The following CCDC3 variants were observed in gnomAD, a reference collection of about 807,000 sequenced individuals.
The protein encoded by CCDC3 is coiled-coil domain containing 3, also known as coiled-coil domain-containing protein 3.
Under a neutral mutation model 21.4 loss-of-function variants are expected in CCDC3, and 24 were observed. The observed-to-expected ratio is 1.12, with a 90% CI of 0.81 to 1.58. CCDC3 has a LOEUF of 1.58. Ranked by LOEUF, CCDC3 falls within the 40% of genes most tolerant of loss-of-function variation. The pLI, the probability that CCDC3 is intolerant of heterozygous loss-of-function variation, is 0.00. For missense variants in CCDC3, 425 were observed against 360.9 expected (o/e 1.18, Z -1.44); for synonymous variants, 186 against 166.0 (o/e 1.12, Z -0.93).
rs1460905602 is a variant in CCDC3, at chr10:12,998,645, G to A, written c.375-133C>T. ...GTCTGGCATGGCTCTCATTAGAGGA[G>A]TTACTACTTCTAATTATTTCTTTGT... is the stretch of plus-strand genomic sequence containing the variant. On this transcript the variant is annotated intron_variant, in intron 1 of 2. Transcript: ENST00000378825. The A allele has an allele frequency of 1.4e-5, 10 of 725,668 alleles. No individual in the cohort carries two copies. In the African/African-American group the frequency reaches 1.8e-4, roughly 13 times the overall value. The allele number at this position is 725,668 out of a possible 1,614,324, so 45.0% of individuals were successfully genotyped here.
At chr10:13,094,767 G>T (rs1224401821) in intron 3 of CCDC3, among the ~76,000 whole-genome samples, 1 of 152,066 alleles carries the variant, frequency 6.6e-6, no homozygotes, top group Non-Finnish European at 1.5e-5. Flanking sequence ...GGCAGGCTGA[G>T]GTGGGAGAAT....
At chr10:13,085,938 G>C (rs1421211356) in intron 3 of CCDC3, among the ~76,000 whole-genome samples, 1 of 150,696 alleles carries the variant, frequency 6.6e-6, no homozygotes, top group Non-Finnish European at 1.5e-5. Context: ...CTGCACTCCA[G>C]CCTGGGTGAC....
At chr10:12,993,160 C>G (rs1170796928) in intron 2 of CCDC3, among the ~76,000 whole-genome samples, 8 of 152,146 alleles carry the variant, frequency 5.3e-5, no homozygotes, top group African/African-American at 1.9e-4. Context: ...GTTTTTAAAG[C>G]AATACTTGAG....
chr10:13,038,490 G>A (rs1836407945), intron 5 of CCDC3, among the ~76,000 whole-genome samples: 1 of 151,694 alleles, frequency 6.6e-6, no homozygotes, highest in South Asian at 2.1e-4. Flanking sequence ...AAAGTTGATT[G>A]TTTAAGAAAA....
intron 2 of CCDC3, among the ~76,000 whole-genome samples, chr10:12,939,794 G>C (rs1834792400): frequency 6.6e-6 from 1 of 152,080 alleles, no homozygotes; most frequent in South Asian, 2.1e-4. Flanking sequence ...ATCAAGGCCT[G>C]GCCAATCTCT....
chr10:13,064,113 A>G (rs534263090), intron 4 of CCDC3, among the ~76,000 whole-genome samples: 1 of 152,150 alleles, frequency 6.6e-6, no homozygotes, highest in South Asian at 2.1e-4. Flanking sequence ...TTTTTAGTAG[A>G]CAGGGTTTCA....
intron 4 of CCDC3, among the ~76,000 whole-genome samples, chr10:13,052,937 GTC>G (rs1491309731): frequency 2.8e-5 from 3 of 108,618 alleles, no homozygotes; most frequent in South Asian, 3.2e-4. Context: ...TTGAGACTCT[GTC>G]ACACACACAC....
chr10:13,058,814 G>A (rs1836715505), intron 4 of CCDC3: 4 of 191,674 alleles, frequency 2.1e-5, no homozygotes, highest in Non-Finnish European at 3.2e-5. Context: ...GATGAGGGAA[G>A]AGAGTTTCTA....
rs117212629 is a variant in CCDC3, at chr10:13,028,201, C to T, written c.-2+21473G>A. ...TCATGGGGGTGGGTTTTTCCCATACCGTTCTCATGATAGTGAGTACGTCTC... is the reference window on the plus strand; with the variant it reads ...TCATGGGGGTGGGTTTTTCCCATACTGTTCTCATGATAGTGAGTACGTCTC... On this transcript the variant is annotated intron_variant, in intron 5 of 6. Coordinates refer to the CCDC3 transcript ENST00000378839. 4.9e-3 allele frequency among the ~76,000 whole-genome samples: 748 copies of T among 152,138 alleles called. 3 individuals carry two copies. The highest frequency in any genetic ancestry group is 8.5e-3 in the Non-Finnish European group (580 of 67,996).
intron 3 of CCDC3, among the ~76,000 whole-genome samples, chr10:13,093,277 G>A (rs922367627): frequency 1.3e-5 from 2 of 152,140 alleles, no homozygotes; most frequent in Non-Finnish European, 2.9e-5. Flanking sequence ...GAGAGAATGA[G>A]AACCAAGTGA....
chr10:13,063,195 G>A (rs1327836002), intron 4 of CCDC3, among the ~76,000 whole-genome samples: 5 of 122,284 alleles, frequency 4.1e-5, no homozygotes, highest in African/African-American at 6.3e-5. Flanking sequence ...CCACACAGCC[G>A]GCTCTGTGTG....
intron 2 of CCDC3, among the ~76,000 whole-genome samples, chr10:12,968,889 A>C (rs913258889): frequency 1.3e-5 from 2 of 152,226 alleles, no homozygotes; most frequent in African/African-American, 2.4e-5. Context: ...GAATCAAAGC[A>C]AACTATGAGA....
intron 5 of CCDC3, among the ~76,000 whole-genome samples, chr10:13,014,950 A>G (rs1698424784): frequency 6.6e-6 from 1 of 151,236 alleles, no homozygotes; most frequent in South Asian, 2.1e-4. Context: ...AGAACTTAAT[A>G]TAGTTATGTA....
upstream of CCDC3, among the ~76,000 whole-genome samples, chr10:13,005,158 G>T (rs549529015): frequency 3.3e-5 from 5 of 152,318 alleles, no homozygotes; most frequent in South Asian, 1.0e-3. Flanking sequence ...TCGACTGGGA[G>T]AATTTTTCTT....
intron 2 of CCDC3, among the ~76,000 whole-genome samples, chr10:12,962,287 A>G (rs1302406908): frequency 1.3e-5 from 2 of 152,208 alleles, no homozygotes; most frequent in African/African-American, 4.8e-5. Flanking sequence ...ATAAAACTTG[A>G]TGCATTAATG....
chr10:13,012,006 T>C (rs1835989480), intron 5 of CCDC3, among the ~76,000 whole-genome samples: 1 of 151,660 alleles, frequency 6.6e-6, no homozygotes, highest in African/African-American at 2.4e-5. Context: ...CGTGGAAGAT[T>C]GAAACTGGAC....
chr10:12,929,397 G>T (rs1834604075), intron 2 of CCDC3, among the ~76,000 whole-genome samples: 1 of 152,078 alleles, frequency 6.6e-6, no homozygotes, highest in African/African-American at 2.4e-5. Flanking sequence ...TTCTCTCAGG[G>T]TCTGCAGGGA....
intron 2 of CCDC3, among the ~76,000 whole-genome samples, chr10:12,928,496 G>T (rs1834582891): frequency 1.3e-5 from 2 of 152,208 alleles, no homozygotes; most frequent in African/African-American, 4.8e-5. Context: ...CTCATGATCA[G>T]TGATCCATTT....
intron 2 of CCDC3, among the ~76,000 whole-genome samples, chr10:12,927,055 C>T (rs989916000): frequency 6.6e-6 from 1 of 152,166 alleles, no homozygotes; most frequent in East Asian, 1.9e-4. Flanking sequence ...GCCCCAAGAT[C>T]CTGATATCAG....
Sources: gnomAD v4.1 joint callset for allele counts (sites outside exome capture counted in the v4.1 genomes callset) on GRCh38, gnomAD v4.1.1 for gene constraint, MANE v1.5 for transcripts, NCBI Gene and HGNC (gene_info 2026-07-23, HGNC 2026-07-21) for gene names.